Variants in IL1RAPL1 observed in about 807,000 individuals in gnomAD.
IL1RAPL1 encodes the protein interleukin-1 receptor accessory protein-like 1.
Under a neutral mutation model 48.4 loss-of-function variants are expected in IL1RAPL1, and 3 were observed. That is an observed-to-expected ratio of 0.06 (90% CI 0.03 to 0.16). The LOEUF is 0.16. Among genes scored for constraint, IL1RAPL1 ranks in the 10% least tolerant of loss-of-function variants. The probability of loss-of-function intolerance (pLI) is 1.00; values close to 1 mark genes in which losing one functional copy is unlikely to be tolerated. For synonymous variants in IL1RAPL1, 185 were observed against 187.7 expected (o/e 0.99, Z 0.12); for missense variants, 349 against 530.6 (o/e 0.66, Z 3.36).
At chrX:28,931,744 A>G (rs1216307136) in intron 2 of IL1RAPL1, among the ~76,000 whole-genome samples, 9 of 111,870 alleles carry the variant, frequency 8.0e-5, no homozygotes, top group African/African-American at 2.9e-4. Flanking sequence ...TATCTGTGCT[A>G]TATTTAAAAT....
At chrX:28,713,591 G>C (rs1935466783) in intron 1 of IL1RAPL1, among the ~76,000 whole-genome samples, 1 of 110,997 alleles carries the variant, frequency 9.0e-6, no homozygotes, top group Non-Finnish European at 1.9e-5. Context: ...AGGAAGGATT[G>C]GGTCTAGATT....
intron 3 of IL1RAPL1, among the ~76,000 whole-genome samples, chrX:29,327,140 C>T (rs1309831799): frequency 9.0e-6 from 1 of 111,231 alleles, no homozygotes; most frequent in Non-Finnish European, 1.9e-5. Context: ...ATTCTGGGTA[C>T]TAAGATGCTG....
intron 6 of IL1RAPL1, among the ~76,000 whole-genome samples, chrX:29,734,120 C>T (rs1429579656): frequency 1.5e-4 from 17 of 112,591 alleles, no homozygotes; most frequent in Non-Finnish European, 2.2e-4. Context: ...AAAATATAAT[C>T]ATCTGAAGAA....
At position 29,037,696 on chromosome X, in the gene IL1RAPL1, C is replaced by T. The variant is rs201701511; in HGVS notation, c.83-245242C>T. ...GTACAAATGAACTTTAAGGGTTTTA[C>T]CTTGAAGATTTGTGAGATACAAAGG... On this transcript the variant is annotated intron_variant, in intron 2 of 10. Transcript: ENST00000378993. 1.2e-4 allele frequency among the ~76,000 whole-genome samples: 13 copies of T among 111,422 alleles called. No homozygotes were observed. The East Asian group carries it at 3.1e-3, about 27-fold the overall frequency.
chrX:29,371,589 G>C (rs55832915), intron 3 of IL1RAPL1, among the ~76,000 whole-genome samples: 17,058 of 111,152 alleles, frequency 0.15, 1,375 homozygotes, highest in African/African-American at 0.32. Context: ...AGCACACTCT[G>C]TCCTTCCCTT....
At chrX:29,789,238 A>T (rs1365616754) in intron 6 of IL1RAPL1, among the ~76,000 whole-genome samples, 3 of 112,145 alleles carry the variant, frequency 2.7e-5, no homozygotes, top group Non-Finnish European at 5.6e-5. Context: ...TTCACATGAG[A>T]TTTAATTCAC....
intron 1 of IL1RAPL1, among the ~76,000 whole-genome samples, chrX:28,677,087 C>T (rs1935006093): frequency 9.0e-6 from 1 of 111,679 alleles, no homozygotes; most frequent in Admixed American, 9.5e-5. Context: ...AATTATATTA[C>T]TTATACAAGT....
intron 3 of IL1RAPL1, chrX:29,369,993 A>T (rs1933521805): frequency 9.0e-6 from 1 of 111,723 alleles, no homozygotes; most frequent in Non-Finnish European, 1.9e-5. Context: ...TTTATGATTC[A>T]TGGTGTCTTT....
chrX:29,266,872 A>G (rs999783080), intron 2 of IL1RAPL1, among the ~76,000 whole-genome samples: 4 of 111,572 alleles, frequency 3.6e-5, no homozygotes, highest in Admixed American at 9.6e-5. Flanking sequence ...CCTTTTGTTT[A>G]TACTCAGAAA....
chrX:29,566,141 G>A (rs1922397982), intron 5 of IL1RAPL1, among the ~76,000 whole-genome samples: 1 of 111,535 alleles, frequency 9.0e-6, no homozygotes, highest in Non-Finnish European at 1.9e-5. Context: ...GGGTTTCACC[G>A]TGTTAGCCAG....
chrX:29,776,347 C>A (rs1372965246), intron 6 of IL1RAPL1, among the ~76,000 whole-genome samples: 7 of 111,226 alleles, frequency 6.3e-5, no homozygotes, highest in Non-Finnish European at 1.1e-4. Context: ...CAATTTGTAT[C>A]CTCTAGCCTG....
rs200222696 is a variant in IL1RAPL1, at chrX:29,633,468, TACACACACACACAC to T, written c.704-34940_704-34927del. ...TTGTGACAATTTATCGATATATATA[TACACACACACACAC>T]ACACACACACACACACACACATATA... On this transcript the variant is annotated intron_variant, in intron 5 of 10. Transcript: ENST00000378993. Among the ~76,000 whole-genome samples, 35 of 97,756 alleles carry T rather than the reference TACACACACACACAC, an allele frequency of 3.6e-4. No individual in the cohort carries two copies. In the South Asian group the frequency reaches 0.015, roughly 42 times the overall value. 84.9% of individuals were successfully genotyped at this position (97,756 alleles called of 115,157 possible). A position where few individuals can be genotyped will look rare whatever the true frequency, so the allele number is the denominator to read the frequency against.
intron 2 of IL1RAPL1, among the ~76,000 whole-genome samples, chrX:29,230,893 G>C (rs1412269101): frequency 9.0e-6 from 1 of 111,444 alleles, no homozygotes; most frequent in Non-Finnish European, 1.9e-5. Flanking sequence ...AGGAGTCTCT[G>C]AGAGCCTCTA....
intron 2 of IL1RAPL1, among the ~76,000 whole-genome samples, chrX:29,074,680 G>T (rs1047835056): frequency 3.6e-5 from 4 of 111,713 alleles, no homozygotes; most frequent in Non-Finnish European, 7.5e-5. Flanking sequence ...ATTACATTGT[G>T]ATCCAAACAA....
intron 9 of IL1RAPL1, among the ~76,000 whole-genome samples, chrX:29,948,566 C>A (rs958475631): frequency 2.7e-5 from 3 of 111,157 alleles, no homozygotes; most frequent in Non-Finnish European, 5.7e-5. Flanking sequence ...CATATGATGG[C>A]AAATCTGAGA....
chrX:29,799,379 T>C (rs1468145638), intron 6 of IL1RAPL1, among the ~76,000 whole-genome samples: 2 of 112,115 alleles, frequency 1.8e-5, no homozygotes, highest in Non-Finnish European at 3.8e-5. Context: ...ATATAAAAAT[T>C]GATTATTACT....
chrX:29,269,830 A>G (rs1048542605), intron 2 of IL1RAPL1, among the ~76,000 whole-genome samples: 1 of 111,025 alleles, frequency 9.0e-6, no homozygotes, highest in African/African-American at 3.3e-5. Flanking sequence ...GTTTTGACAT[A>G]TATATAAACT....
In IL1RAPL1 at chrX:29,904,767, T is replaced by TATCA. The variant is rs761879956; in HGVS notation, c.779-12696_779-12693dup. Among the ~76,000 whole-genome samples, 351 of 112,197 alleles carry TATCA rather than the reference T, an allele frequency of 3.1e-3. 2 individuals are homozygous for TATCA. Among genetic ancestry groups the TATCA allele is most frequent in the Admixed American group, 4.5e-3 (48 of 10,584 alleles). On this transcript the variant is annotated intron_variant, in intron 6 of 10. Coordinates refer to ENST00000378993, the MANE Select transcript of IL1RAPL1 (RefSeq NM_014271.4). ...TGTGCCACATTTTCTTTTTCCAGTC[T>TATCA]ATCATTGATGGGCATTTGGGTTGCT...
chrX:29,432,548 G>T (rs1347627586), intron 5 of IL1RAPL1, among the ~76,000 whole-genome samples: 1 of 111,525 alleles, frequency 9.0e-6, no homozygotes, highest in African/African-American at 3.3e-5. Flanking sequence ...TGTACTAGTG[G>T]AATTGAGTTC....
Sources: gnomAD v4.1 joint callset for allele counts (sites outside exome capture counted in the v4.1 genomes callset) on GRCh38, gnomAD v4.1.1 for gene constraint, MANE v1.5 for transcripts, NCBI Gene and HGNC (gene_info 2026-07-23, HGNC 2026-07-21) for gene names.